The following DENND5B variants were observed in gnomAD, a reference collection of about 807,000 sequenced individuals.
The protein encoded by DENND5B is DENN domain containing 5B.
In DENND5B, 34 loss-of-function variants were observed where a neutral mutation model predicts 140.6. The ratio of observed to expected loss-of-function variants is 0.24; its 90% CI spans 0.18 to 0.32. The LOEUF (loss-of-function observed/expected upper bound fraction) is 0.32. Ranked by LOEUF, DENND5B falls within the 10% of genes least tolerant of loss-of-function variation. The probability of loss-of-function intolerance (pLI) is 1.00; values close to 1 mark genes in which losing one functional copy is unlikely to be tolerated. For missense variants in DENND5B, 1,142 were observed against 1,560.2 expected (o/e 0.73, Z 4.52); for synonymous variants, 551 against 562.1 (o/e 0.98, Z 0.28).
In DENND5B at chr12:31,586,703, G is replaced by T. The variant is rs140529547; in HGVS notation, c.127+4003C>A. 5.3e-5 allele frequency among the ~76,000 whole-genome samples: 8 copies of T among 152,312 alleles called. No homozygotes were observed. In the South Asian group the frequency reaches 1.0e-3, roughly 20 times the overall value. On this transcript the variant is annotated intron_variant, in intron 1 of 20. Coordinates refer to ENST00000389082, the MANE Select transcript of DENND5B (RefSeq NM_144973.4). ...ATTTCAATGTCCCACCACCTGCAGA[G>T]TGTGAATTCTAGGAATATGCGTATG...
chr12:31,467,576 G>A (rs1368820094), intron 3 of DENND5B, among the ~76,000 whole-genome samples: 1 of 151,854 alleles, frequency 6.6e-6, no homozygotes, highest in Non-Finnish European at 1.5e-5. Flanking sequence ...GAGTTCAGTC[G>A]CATCACTGCA....
chr12:31,452,479 G>A lies in DENND5B; in HGVS notation c.1093-3C>T. ...ATGTCCACAAAACACAAATTAGCCTGAAAGAGAAAAATGAAATACAAAGGT... is the reference window on the plus strand; with the variant it reads ...ATGTCCACAAAACACAAATTAGCCTAAAAGAGAAAAATGAAATACAAAGGT... On this transcript the variant is annotated splice_region_variant and splice_polypyrimidine_tract_variant and intron_variant, in intron 4 of 20. Coordinates refer to ENST00000389082, the MANE Select transcript of DENND5B (RefSeq NM_144973.4). The A allele has an allele frequency of 1.3e-6, 2 of 1,582,344 alleles. No homozygotes were observed. Among genetic ancestry groups the A allele is most frequent in the Non-Finnish European group, 1.7e-6 (2 of 1,167,768 alleles).
At chr12:31,574,288 T>TAA in intron 1 of DENND5B, among the ~76,000 whole-genome samples, 1 of 144,262 alleles carries the variant, frequency 6.9e-6, no homozygotes, top group Admixed American at 7.2e-5. Flanking sequence ...ATAATAATAA[T>TAA]AATAATAATT....
intron 3 of DENND5B, among the ~76,000 whole-genome samples, chr12:31,471,652 G>A (rs1303388377): frequency 6.6e-6 from 1 of 151,868 alleles, no homozygotes; most frequent in Non-Finnish European, 1.5e-5. Flanking sequence ...TTATAGATAA[G>A]TATCATCCAC....
chr12:31,469,113 T>A (rs1945419425), intron 3 of DENND5B, among the ~76,000 whole-genome samples: 1 of 151,974 alleles, frequency 6.6e-6, no homozygotes, highest in Non-Finnish European at 1.5e-5. Flanking sequence ...GGCAGGTGGA[T>A]CACTGGAGGT....
intron 1 of DENND5B, among the ~76,000 whole-genome samples, chr12:31,568,152 AC>A (rs1949693815): frequency 6.6e-6 from 1 of 152,214 alleles, no homozygotes; most frequent in Non-Finnish European, 1.5e-5. Context: ...AAAATTCCAT[AC>A]CTGAACTAAT....
At chr12:31,488,764 A>C (rs1319764330) in intron 2 of DENND5B, among the ~76,000 whole-genome samples, 1 of 152,218 alleles carries the variant, frequency 6.6e-6, no homozygotes, top group East Asian at 1.9e-4. Context: ...CTGAAATATA[A>C]ATCAAGATTT....
At position 31,442,822 on chromosome 12, in the gene DENND5B, A is replaced by G. The variant is rs1033127626; in HGVS notation, c.1965T>C (p.Phe655=). ...IGQGKYEQGF[F]PKLQSDVLAT... ...CCAAGACATCGGACTGTAACTTTGG[A>G]AAGAACCCCTGCTCATATTTGCCTT... is the stretch of plus-strand genomic sequence containing the variant. The change falls in exon 7 of 21, where the codon TTT becomes TTC. Residue 655 remains phenylalanine (F), a synonymous_variant. Coordinates refer to ENST00000389082, the MANE Select transcript of DENND5B (RefSeq NM_144973.4). 3.1e-6 allele frequency: 5 copies of G among 1,613,760 alleles called. No individual in the cohort carries two copies. Among genetic ancestry groups the G allele is most frequent in the Non-Finnish European group, 4.2e-6 (5 of 1,179,830 alleles).
At chr12:31,521,923 G>A (rs1947907618) in intron 1 of DENND5B, among the ~76,000 whole-genome samples, 2 of 152,122 alleles carry the variant, frequency 1.3e-5, no homozygotes. Context: ...TCTTTCAGTG[G>A]CTCTTTATGA....
chr12:31,483,233 A>C (rs753136427), intron 2 of DENND5B, among the ~76,000 whole-genome samples: 17 of 152,184 alleles, frequency 1.1e-4, no homozygotes, highest in Non-Finnish European at 1.9e-4. Flanking sequence ...TGGGCTGCTG[A>C]GAGTGCCTAT....
chr12:31,469,346 A>AAAAAG (rs769930524), intron 3 of DENND5B, among the ~76,000 whole-genome samples: 2,628 of 130,074 alleles, frequency 0.02, 90 homozygotes, highest in African/African-American at 0.062. Context: ...AAAAAAAAAA[A>AAAAAG]AAGAAGAAGA....
At chr12:31,586,797 C>T (rs1036006180) in intron 1 of DENND5B, among the ~76,000 whole-genome samples, 2 of 152,168 alleles carry the variant, frequency 1.3e-5, no homozygotes, top group African/African-American at 4.8e-5. Context: ...CTTCTAGAGG[C>T]ACGGTGACAA....
At chr12:31,390,805 C>A (rs1198957621) in intron 19 of DENND5B, among the ~76,000 whole-genome samples, 2 of 152,160 alleles carry the variant, frequency 1.3e-5, no homozygotes, top group Non-Finnish European at 2.9e-5. Flanking sequence ...AAGTGGATCA[C>A]TTGAGGACGG....
At chr12:31,401,003 C>T (rs1941768108) in intron 15 of DENND5B, among the ~76,000 whole-genome samples, 2 of 151,840 alleles carry the variant, frequency 1.3e-5, no homozygotes, top group African/African-American at 2.4e-5. Context: ...CCACCATGCC[C>T]GGCTAATTTT....
chr12:31,421,871 C>T (rs1323837700), intron 11 of DENND5B, among the ~76,000 whole-genome samples: 3 of 152,038 alleles, frequency 2.0e-5, no homozygotes, highest in Non-Finnish European at 4.4e-5. Flanking sequence ...ATTTTTTTAA[C>T]AGAAAAACTG....
At chr12:31,527,337 A>G (rs1279920317) in intron 1 of DENND5B, among the ~76,000 whole-genome samples, 4 of 152,182 alleles carry the variant, frequency 2.6e-5, no homozygotes, top group African/African-American at 7.2e-5. Flanking sequence ...TTGTCTGGAA[A>G]AGAGCAAGAC....
chr12:31,492,461 T>G (rs998336367), intron 2 of DENND5B, among the ~76,000 whole-genome samples: 2 of 152,140 alleles, frequency 1.3e-5, no homozygotes, highest in African/African-American at 4.8e-5. Context: ...GCCTCCAGAG[T>G]AGCTGGGACC....
intron 2 of DENND5B, 131 bp from the exon 3 acceptor site, chr12:31,480,386 C>A: frequency 9.9e-6 from 8 of 808,098 alleles, no homozygotes; most frequent in South Asian, 7.4e-5. Context: ...TTCGCAATAG[C>A]CTTAAATTAG....
Position 31,535,882 on chromosome 12 carries a change from T to C in DENND5B, c.128-39963A>G, listed in dbSNP as rs185670737. ...GAATCTGTATCCCCACCAAATATCA[T>C]GTCAAATTATAATCTCCAATGTTGG... On this transcript the variant is annotated intron_variant, in intron 1 of 20. Transcript: ENST00000389082. Among the ~76,000 whole-genome samples, 4 of 152,274 alleles carry C rather than the reference T, an allele frequency of 2.6e-5. No individual in the cohort carries two copies. In the East Asian group the frequency reaches 7.7e-4, roughly 29 times the overall value.
Sources: allele counts gnomAD v4.1 joint callset (sites outside exome capture counted in the v4.1 genomes callset), GRCh38; gene constraint gnomAD v4.1.1; transcripts MANE v1.5; gene names NCBI Gene and HGNC (gene_info 2026-07-23, HGNC 2026-07-21).